The following AFG1L variants were observed in gnomAD, a reference collection of about 807,000 sequenced individuals.
AFG1L encodes AFG1 like ATPase.
In AFG1L, 53 loss-of-function variants were observed where a neutral mutation model predicts 62.2. That is an observed-to-expected ratio of 0.85 (90% CI 0.68 to 1.07). AFG1L has a LOEUF of 1.07. AFG1L is among the 50% of genes least tolerant of loss of function. The pLI is 0.00. For synonymous variants in AFG1L, 228 were observed against 210.3 expected (o/e 1.08, Z -0.73); for missense variants, 555 against 590.5 (o/e 0.94, Z 0.62).
At chr6:108,451,780 G>A (rs972837861) in intron 8 of AFG1L, among the ~76,000 whole-genome samples, 1 of 151,974 alleles carries the variant, frequency 6.6e-6, no homozygotes, top group Non-Finnish European at 1.5e-5. Flanking sequence ...GTGCAGTGGC[G>A]TGATCTCGGC....
intron 8 of AFG1L, among the ~76,000 whole-genome samples, chr6:108,456,944 G>C (rs917813870): frequency 6.6e-6 from 1 of 152,072 alleles, no homozygotes; most frequent in African/African-American, 2.4e-5. Flanking sequence ...AGGCTATACC[G>C]TACACCACAA....
At chr6:108,310,027 T>C (rs1777343803) in intron 1 of AFG1L, among the ~76,000 whole-genome samples, 1 of 152,128 alleles carries the variant, frequency 6.6e-6, no homozygotes, top group Admixed American at 6.5e-5. Context: ...TCAGTTCCCC[T>C]TTTTCCTCAA....
chr6:108,318,320 A>T, intron 1 of AFG1L: 1 of 399,332 alleles, frequency 2.5e-6, no homozygotes. Context: ...GCCCAACTGC[A>T]GATCTAAGAG....
intron 2 of AFG1L, among the ~76,000 whole-genome samples, chr6:108,346,511 G>T (rs959895291): frequency 6.6e-6 from 1 of 152,018 alleles, no homozygotes; most frequent in Non-Finnish European, 1.5e-5. Context: ...GACCACAGGC[G>T]CATGCCACCA....
In AFG1L at chr6:108,522,403, A is replaced by G. The variant is rs1775159432; in HGVS notation, c.1424A>G (p.Glu475Gly). 2 of 1,611,506 alleles carry G rather than the reference A, an allele frequency of 1.2e-6. No individual in the cohort carries two copies. The highest frequency in any genetic ancestry group is 1.7e-6 in the Non-Finnish European group (2 of 1,178,236). ...TEMQTEQYWN[E>G]GDRTKK ...ATGCAGACTGAACAGTACTGGAATG[A>G]AGGAGACAGAACCAAGAAGTAACTG... Residue 475 changes from glutamate (E) to glycine (G), a missense_variant, in exon 13 of 13, where the codon GAA becomes GGA. Glu to Gly is a moderately conservative substitution (Grantham distance 98). Coordinates refer to ENST00000368977, the MANE Select transcript of AFG1L (RefSeq NM_145315.5).
intron 2 of AFG1L, among the ~76,000 whole-genome samples, chr6:108,333,234 AC>A (rs1450129431): frequency 6.6e-6 from 1 of 152,058 alleles, no homozygotes; most frequent in Non-Finnish European, 1.5e-5. Flanking sequence ...ACATGGTGAA[AC>A]CCCGTCTGTA....
At chr6:108,385,553 A>G (rs1464967272) in intron 6 of AFG1L, among the ~76,000 whole-genome samples, 1 of 152,236 alleles carries the variant, frequency 6.6e-6, no homozygotes, top group Non-Finnish European at 1.5e-5. Flanking sequence ...GTCAATAAAT[A>G]TGTGGGTAAA....
chr6:108,449,018 C>T (rs1771933835), intron 8 of AFG1L, among the ~76,000 whole-genome samples: 1 of 151,834 alleles, frequency 6.6e-6, no homozygotes, highest in African/African-American at 2.4e-5. Context: ...TGTGGTGGCA[C>T]CTGCCTGTAG....
intron 1 of AFG1L, among the ~76,000 whole-genome samples, chr6:108,307,562 C>T (rs1287825099): frequency 6.6e-6 from 1 of 151,594 alleles, no homozygotes; most frequent in African/African-American, 2.4e-5. Flanking sequence ...AGGCGAGCAC[C>T]ACCACGCCTG....
chr6:108,494,389 A>G (rs1487288488), intron 10 of AFG1L, among the ~76,000 whole-genome samples: 3 of 151,878 alleles, frequency 2.0e-5, no homozygotes, highest in Admixed American at 1.3e-4. Context: ...AGTTTGTCAC[A>G]TTGATTTTTT....
At chr6:108,519,534 T>C (rs1775039619) in intron 11 of AFG1L, among the ~76,000 whole-genome samples, 163 bp from the exon 12 acceptor site, 1 of 152,132 alleles carries the variant, frequency 6.6e-6, no homozygotes, top group Middle Eastern at 3.2e-3. Context: ...TTTAAAACAC[T>C]GCTTTAAAGA....
At chr6:108,416,675 C>G (rs1157543438) in intron 7 of AFG1L, among the ~76,000 whole-genome samples, 1 of 152,058 alleles carries the variant, frequency 6.6e-6, no homozygotes, top group East Asian at 1.9e-4. Flanking sequence ...ATCATAAGGA[C>G]AGAAAACCAA....
intron 4 of AFG1L, among the ~76,000 whole-genome samples, chr6:108,356,391 G>A (rs1166166626): frequency 3.3e-5 from 5 of 152,166 alleles, no homozygotes; most frequent in African/African-American, 1.2e-4. Flanking sequence ...AAGGACTAAG[G>A]TGGATGTGTT....
At position 108,498,454 on chromosome 6, in the gene AFG1L, T is replaced by C. The variant is rs182476055; in HGVS notation, c.1063-11758T>C. On this transcript the variant is annotated intron_variant, in intron 10 of 12. Coordinates refer to ENST00000368977, the MANE Select transcript of AFG1L (RefSeq NM_145315.5). ...ACATCTTTAAATAACCCAAACATTTTTAAATAATGAATGCTTGGGAACAAA... is the reference window on the plus strand; with the variant it reads ...ACATCTTTAAATAACCCAAACATTTCTAAATAATGAATGCTTGGGAACAAA... Among the ~76,000 whole-genome samples the C allele has an allele frequency of 5.9e-5, 9 of 152,290 alleles. 1 individual carries two copies. The highest frequency in any genetic ancestry group is 5.9e-4 in the Admixed American group (9 of 15,288).
chr6:108,344,046 C>T (rs1015979363), intron 2 of AFG1L, among the ~76,000 whole-genome samples: 2 of 152,170 alleles, frequency 1.3e-5, no homozygotes, highest in African/African-American at 4.8e-5. Flanking sequence ...TTTGGGAGGC[C>T]TAGGCAGCAG....
At chr6:108,399,174 G>GTTTTTTTTTTTTTTTTTT (rs1424528059) in intron 6 of AFG1L, among the ~76,000 whole-genome samples, 2 of 51,414 alleles carry the variant, frequency 3.9e-5, no homozygotes. Context: ...CACTTCTTTT[G>GTTTTTTTTTTTTTTTTTT]TTTGTTTTTT....
intron 10 of AFG1L, among the ~76,000 whole-genome samples, chr6:108,507,940 A>G (rs1774485192): frequency 6.6e-6 from 1 of 152,190 alleles, no homozygotes; most frequent in East Asian, 1.9e-4. Context: ...TCCTCTTGAG[A>G]ATGACATACT....
chr6:108,307,866 T>C (rs1048370366), intron 1 of AFG1L, among the ~76,000 whole-genome samples: 3 of 152,200 alleles, frequency 2.0e-5, no homozygotes, highest in Non-Finnish European at 4.4e-5. Flanking sequence ...TTAGTCACTC[T>C]AATAAGTGTG....
At chr6:108,365,913 A>G (rs968016337) in intron 5 of AFG1L, among the ~76,000 whole-genome samples, 1 of 152,074 alleles carries the variant, frequency 6.6e-6, no homozygotes, top group Non-Finnish European at 1.5e-5. Flanking sequence ...GGTGTTGGTC[A>G]TGTTAGTTCT....
Sources: allele counts gnomAD v4.1 joint callset (sites outside exome capture counted in the v4.1 genomes callset), GRCh38; gene constraint gnomAD v4.1.1; transcripts MANE v1.5; gene names NCBI Gene and HGNC (gene_info 2026-07-23, HGNC 2026-07-21).